Variants in BLTP1 observed in about 807,000 individuals in gnomAD.
The protein encoded by BLTP1 is bridge-like lipid transfer protein family member 1.
chr4:122,154,567 T>G, the BLTP1 span: 1 of 875,526 alleles, frequency 1.1e-6, no homozygotes, highest in East Asian at 1.2e-4. Flanking sequence ...GTTTGTAAAG[T>G]GTTTTAAGAA....
chr4:122,328,424 T>C, the BLTP1 span: 10 of 1,390,406 alleles, frequency 7.2e-6, no homozygotes, highest in Non-Finnish European at 8.9e-6. Context: ...CAAAATGTTA[T>C]ATATAACTCA....
the BLTP1 span, chr4:122,340,981 C>CT: frequency 1.2e-5 from 3 of 242,470 alleles, no homozygotes; most frequent in Admixed American, 2.0e-4. Context: ...TGCTATGTAA[C>CT]TTTTTAAAAT....
the BLTP1 span, chr4:122,236,786 G>A: frequency 1.0e-6 from 1 of 974,694 alleles, no homozygotes; most frequent in African/African-American, 1.8e-5. Context: ...ATGTGTAATA[G>A]GAAGTGTCTG....
the BLTP1 span, chr4:122,196,935 C>A: frequency 2.0e-6 from 1 of 507,920 alleles, no homozygotes; most frequent in Non-Finnish European, 3.3e-6. Context: ...ATTTTACTAT[C>A]ATCATAATTT....
At chr4:122,155,777 A>T in the BLTP1 span, among the ~76,000 whole-genome samples, 2 of 152,176 alleles carry the variant, frequency 1.3e-5, no homozygotes, top group African/African-American at 4.8e-5. Flanking sequence ...TAGGTGATGA[A>T]TTGGAGGGAG....
At chr4:122,262,146 CTT>C in the BLTP1 span, among the ~76,000 whole-genome samples, 19 of 42,652 alleles carry the variant, frequency 4.5e-4, no homozygotes, top group Non-Finnish European at 1.0e-3. Context: ...GTTACAGATC[CTT>C]TGTGTGTGTG....
chr4:122,183,675 G>A, the BLTP1 span, among the ~76,000 whole-genome samples: 2 of 152,170 alleles, frequency 1.3e-5, no homozygotes, highest in African/African-American at 4.8e-5. Context: ...TCAGCAAAAT[G>A]AGAGGTTTTT....
At chr4:122,362,368 A>G in the BLTP1 span, 1 of 768,332 alleles carries the variant, frequency 1.3e-6, no homozygotes. Flanking sequence ...GGCTATAATT[A>G]AAAGTTTGTA....
chr4:122,235,512 T>G, the BLTP1 span: 2 of 979,006 alleles, frequency 2.0e-6, no homozygotes, highest in African/African-American at 1.8e-5. Context: ...TTAGAATCTT[T>G]AGCATAACTC....
At chr4:122,238,532 T>C in the BLTP1 span, among the ~76,000 whole-genome samples, 1 of 152,226 alleles carries the variant, frequency 6.6e-6, no homozygotes, top group African/African-American at 2.4e-5. Flanking sequence ...TACATACATA[T>C]ATTCATTCAA....
At chr4:122,200,452 T>C in the BLTP1 span, 42,309 of 548,310 alleles carry the variant, frequency 0.077, 1,869 homozygotes, top group Middle Eastern at 0.092. Context: ...ATGGCGCGCA[T>C]GCCTGTAATC....
At chr4:122,257,306 G>T in the BLTP1 span, 2 of 1,613,762 alleles carry the variant, frequency 1.2e-6, no homozygotes, top group Non-Finnish European at 1.7e-6. Flanking sequence ...AGTTGCACTG[G>T]CAAGGCAGTG....
the BLTP1 span, among the ~76,000 whole-genome samples, chr4:122,257,940 C>T: frequency 6.6e-6 from 1 of 152,160 alleles, no homozygotes; most frequent in Non-Finnish European, 1.5e-5. Context: ...ACATAAACCT[C>T]TATTTAAAAC....
At chr4:122,168,440 T>C in the BLTP1 span, among the ~76,000 whole-genome samples, 3 of 152,218 alleles carry the variant, frequency 2.0e-5, no homozygotes, top group Non-Finnish European at 4.4e-5. Context: ...ATGTGCTGGC[T>C]AGCAATCTGT....
At chr4:122,232,768 T>C in the BLTP1 span, among the ~76,000 whole-genome samples, 5 of 152,098 alleles carry the variant, frequency 3.3e-5, no homozygotes, top group Non-Finnish European at 5.9e-5. Flanking sequence ...ACCTCAACCC[T>C]CAAGGTTGCT....
At chr4:122,352,911 T>C in the BLTP1 span, 2 of 1,613,950 alleles carry the variant, frequency 1.2e-6, no homozygotes, top group Non-Finnish European at 1.7e-6. Flanking sequence ...CAGTACTTGA[T>C]GCAGCACATC....
chr4:122,250,606 G>T, the BLTP1 span: 1 of 1,589,522 alleles, frequency 6.3e-7, no homozygotes, highest in Non-Finnish European at 8.6e-7. Flanking sequence ...TAATAATGGT[G>T]CTTTAGAAAA....
the BLTP1 span, chr4:122,277,732 C>A: frequency 2.0e-6 from 2 of 982,934 alleles, no homozygotes; most frequent in South Asian, 9.4e-5. Context: ...TCCTTCCTAT[C>A]AATTTCTTGT....
At chr4:122,347,695 T>C in the BLTP1 span, 4 of 1,613,826 alleles carry the variant, frequency 2.5e-6, no homozygotes, top group Non-Finnish European at 3.4e-6. Flanking sequence ...CAGCACCATG[T>C]CACCAGGGAC....
Sources: gnomAD v4.1 joint callset for allele counts (sites outside exome capture counted in the v4.1 genomes callset) on GRCh38, gnomAD v4.1.1 for gene constraint, MANE v1.5 for transcripts, NCBI Gene and HGNC (gene_info 2026-07-23, HGNC 2026-07-21) for gene names.